Variants in CSMD2 observed in about 807,000 individuals in gnomAD.
The protein encoded by CSMD2 is CUB and sushi domain-containing protein 2.
Under a neutral mutation model 398.5 loss-of-function variants are expected in CSMD2, and 130 were observed. The observed-to-expected ratio is 0.33, with a 90% CI of 0.28 to 0.38. The LOEUF (loss-of-function observed/expected upper bound fraction) is 0.38, where lower values mean the gene tolerates loss of function less well. CSMD2 is among the 10% of genes least tolerant of loss of function. CSMD2 has a pLI of 1.00. For synonymous variants in CSMD2, 1,828 were observed against 1,908.5 expected, an observed-to-expected ratio of 0.96 and a Z score of 1.10; for missense variants, 3,829 against 4,764.9, an observed-to-expected ratio of 0.80 and a Z score of 5.78.
intron 13 of CSMD2, among the ~76,000 whole-genome samples, chr1:33,753,310 G>A (rs1648522795): frequency 6.6e-6 from 1 of 152,218 alleles, no homozygotes; most frequent in Admixed American, 6.5e-5. Flanking sequence ...GGGCACTGCA[G>A]TCCTGTGCAG....
rs765758109 is a variant in CSMD2 at position 33,519,578 on chromosome 1, G to T, written c.10836C>A (p.Pro3612=). 6 of 1,614,106 alleles carry T rather than the reference G, an allele frequency of 3.7e-6. No individual in the cohort carries two copies. The highest frequency in any genetic ancestry group is 5.1e-6 in the Non-Finnish European group (6 of 1,180,006). Residue 3612 remains proline (P), a synonymous_variant, in exon 70 of 71, where the codon CCC becomes CCA. Transcript: ENST00000373381. This position sits in a 1 kb window ranked among gnomAD's most constrained non-coding sequence, Gnocchi z 5.6. The part of the protein sequence containing the change: ...ENPMYDRNIQ[P]TDIMASEAEF... ...CCGCCTCGCTGGCCATGATGTCTGT[G>T]GGCTGGATGTTGCGGTCGTACATTG... is the stretch of plus-strand genomic sequence containing the variant.
chr1:33,865,399 C>CAAAA (rs56728239), intron 5 of CSMD2, among the ~76,000 whole-genome samples: 2 of 120,910 alleles, frequency 1.7e-5, no homozygotes, highest in Admixed American at 8.3e-5. Context: ...CAGATTTTAC[C>CAAAA]AAAAAAAAAA....
chr1:33,717,262 T>G (rs1646204607), intron 19 of CSMD2, among the ~76,000 whole-genome samples: 1 of 152,050 alleles, frequency 6.6e-6, no homozygotes, highest in African/African-American at 2.4e-5. Flanking sequence ...GTGGACCAGA[T>G]CTCAGTTTTA....
intron 4 of CSMD2, among the ~76,000 whole-genome samples, chr1:33,931,136 C>T (rs1644300526): frequency 6.6e-6 from 1 of 152,228 alleles, no homozygotes; most frequent in South Asian, 2.1e-4. Flanking sequence ...GAATTAGACC[C>T]ATCCAGACAG....
intron 50 of CSMD2, 113 bp downstream of exon 50, chr1:33,572,393 T>G (rs1314065452): frequency 5.1e-4 from 72 of 140,752 alleles, no homozygotes; most frequent in Non-Finnish European, 5.9e-4. Flanking sequence ...ATGTCCATGT[T>G]TTTTTTTTTT....
At position 33,524,942 on chromosome 1, in the gene CSMD2, C is replaced by G; in HGVS notation, c.10336G>C (p.Ala3446Pro). 6.2e-7 allele frequency: 1 copy of G among 1,614,196 alleles called. No individual in the cohort carries two copies. Among genetic ancestry groups the G allele is most frequent in the Admixed American group, 1.7e-5 (1 of 60,024 alleles). The change falls in exon 66 of 71, where the codon GCC (alanine) becomes CCC (proline). Residue 3446 changes from alanine (A) to proline (P), a missense_variant. Physicochemically the swap from Ala to Pro is conservative, Grantham distance 27. Transcript: ENST00000373381. Reference sequence around the variant, plus strand: ...ATGGTGGCATTGACCTTGCTGTTGGCAACTTGGAAGCCAGTCACTCTGAGC... The same window carrying G: ...ATGGTGGCATTGACCTTGCTGTTGGGAACTTGGAAGCCAGTCACTCTGAGC... ...AMLRVTGFQV[A>P]NSKVNATMID...
At chr1:33,831,019 C>T (rs370330556) in intron 6 of CSMD2, among the ~76,000 whole-genome samples, 1 of 152,134 alleles carries the variant, frequency 6.6e-6, no homozygotes, top group Admixed American at 6.5e-5. Flanking sequence ...TGTGAAAAGA[C>T]CAAATCTACG....
At chr1:33,865,561 A>G (rs997565847) in intron 5 of CSMD2, among the ~76,000 whole-genome samples, 2 of 152,138 alleles carry the variant, frequency 1.3e-5, no homozygotes, top group Non-Finnish European at 2.9e-5. Context: ...CCTTGGCCAC[A>G]GTCATTGGCT....
At chr1:33,731,223 T>C (rs1646707376) in intron 15 of CSMD2, among the ~76,000 whole-genome samples, 1 of 152,224 alleles carries the variant, frequency 6.6e-6, no homozygotes, top group Admixed American at 6.5e-5. Context: ...ATTATTTCCT[T>C]GCTTTTCCTT....
At chr1:33,804,286 C>T (rs1464218438) in intron 10 of CSMD2, among the ~76,000 whole-genome samples, 2 of 152,198 alleles carry the variant, frequency 1.3e-5, no homozygotes, top group African/African-American at 4.8e-5. Flanking sequence ...TGTGGGCTCA[C>T]CATGATCTGA....
chr1:33,957,411 T>C (rs991186577), intron 3 of CSMD2, among the ~76,000 whole-genome samples: 10 of 152,158 alleles, frequency 6.6e-5, no homozygotes, highest in African/African-American at 2.4e-4. Context: ...ATTGTCATCA[T>C]AATGATTACC....
chr1:34,162,850 A>T (rs889822546), intron 1 of CSMD2, among the ~76,000 whole-genome samples: 6 of 152,032 alleles, frequency 3.9e-5, no homozygotes, highest in African/African-American at 1.2e-4. Context: ...GAAGAGCAAA[A>T]CTCCGTCTTA....
rs543100408 is a variant in CSMD2 at position 33,886,987 on chromosome 1, A to AAAT, written c.920+31104_920+31106dup. Among the ~76,000 whole-genome samples, 193 of 151,256 alleles carry AAAT rather than the reference A, an allele frequency of 1.3e-3. 1 individual carries two copies. Among genetic ancestry groups the AAAT allele is most frequent in the African/African-American group, 4.5e-3 (185 of 41,334 alleles). On this transcript the variant is annotated intron_variant, in intron 5 of 70. Transcript: ENST00000373381. ...CTGAGACTCAGAGGTTTTTTTTTTT[A>AAAT]AATTTATTTAAATACGACCATTTTT...
intron 37 of CSMD2, among the ~76,000 whole-genome samples, chr1:33,618,283 G>A (rs992231816): frequency 4.6e-5 from 7 of 151,946 alleles, no homozygotes; most frequent in Non-Finnish European, 5.9e-5. Flanking sequence ...CACTGGCCCC[G>A]CTAAAACCCT....
intron 47 of CSMD2, among the ~76,000 whole-genome samples, chr1:33,582,890 T>G (rs966151689): frequency 1.4e-4 from 22 of 152,234 alleles, no homozygotes; most frequent in African/African-American, 4.8e-4. Flanking sequence ...GATCTGGCCA[T>G]GTAGTCTTTT....
At chr1:34,127,438 G>C (rs1467606944) in intron 1 of CSMD2, among the ~76,000 whole-genome samples, 1 of 152,158 alleles carries the variant, frequency 6.6e-6, no homozygotes, top group African/African-American at 2.4e-5. Context: ...TGGAAGAAAG[G>C]GGTCCTGGGC....
intron 15 of CSMD2, among the ~76,000 whole-genome samples, chr1:33,730,961 A>T (rs2149220853): frequency 6.6e-6 from 1 of 152,322 alleles, no homozygotes; most frequent in African/African-American, 2.4e-5. Flanking sequence ...ATCAGTTTCC[A>T]CTAAAAGGAA....
chr1:33,545,605 A>T (rs1205108202), intron 57 of CSMD2, among the ~76,000 whole-genome samples: 1 of 152,158 alleles, frequency 6.6e-6, no homozygotes, highest in Non-Finnish European at 1.5e-5. Context: ...TCCATGACCT[A>T]ACAACTTCCC....
intron 25 of CSMD2, 92 bp from the exon 26 acceptor site, chr1:33,663,184 C>A: frequency 9.4e-7 from 1 of 1,059,172 alleles, no homozygotes; most frequent in Non-Finnish European, 1.4e-6. Flanking sequence ...GAAGACTGGC[C>A]CTAAACCTAC....
Sources: allele counts gnomAD v4.1 joint callset (sites outside exome capture counted in the v4.1 genomes callset), GRCh38; gene constraint gnomAD v4.1.1; non-coding constraint Gnocchi (gnomAD v3.1); transcripts MANE v1.5; gene names NCBI Gene and HGNC (gene_info 2026-07-23, HGNC 2026-07-21).